The following FGFR3 variants were observed in gnomAD, a reference collection of about 807,000 sequenced individuals.
FGFR3 encodes FGFR-3.
Under a neutral mutation model 82.9 loss-of-function variants are expected in FGFR3, and 25 were observed. The observed-to-expected ratio is 0.30, with a 90% CI of 0.22 to 0.42. The LOEUF is 0.42. FGFR3 is among the 10% of genes least tolerant of loss of function. The probability of loss-of-function intolerance (pLI) is 1.00; values close to 1 mark genes in which losing one functional copy is unlikely to be tolerated. For synonymous variants in FGFR3, 620 were observed against 516.0 expected, an observed-to-expected ratio of 1.20 and a Z score of -2.73; for missense variants, 1,026 against 1,161.0, an observed-to-expected ratio of 0.88 and a Z score of 1.69.
intron 2 of FGFR3, among the ~76,000 whole-genome samples, chr4:1,797,789 T>C (rs1335987384): frequency 1.3e-5 from 2 of 152,160 alleles, no homozygotes; most frequent in East Asian, 3.9e-4. Flanking sequence ...CTTCGGATGC[T>C]TCAGGGGATG....
At chr4:1,799,870 G>A (rs2108775524) in intron 4 of FGFR3, 58 bp downstream of exon 4, 1 of 1,587,482 alleles carries the variant, frequency 6.3e-7, no homozygotes, top group Non-Finnish European at 8.6e-7. Flanking sequence ...CCACCGCCAA[G>A]CCCTGCCCTT....
In FGFR3 at chr4:1,800,318, G is replaced by A. The variant is rs368778249; in HGVS notation, c.445+506G>A. ...AGTCGGGGACGATGCCTGGCGTCCC[G>A]GCCTGGAACGGTGGCAGGTGGACTT... is the stretch of plus-strand genomic sequence containing the variant. On this transcript the variant is annotated intron_variant, in intron 4 of 17. Transcript: ENST00000440486. Among the ~76,000 whole-genome samples the A allele has an allele frequency of 3.1e-3, 474 of 152,162 alleles. 5 individuals are homozygous for A. The highest frequency in any genetic ancestry group is 0.011 in the African/African-American group (459 of 41,514).
At position 1,799,432 on chromosome 4, in the gene FGFR3, G is replaced by A. The variant is rs774553494; in HGVS notation, c.288G>A (p.Val96=). 3 of 1,610,478 alleles carry A rather than the reference G, an allele frequency of 1.9e-6. No homozygotes were observed. Among genetic ancestry groups the A allele is most frequent in the African/African-American group, 2.7e-5 (2 of 74,892 alleles). ...RVLVGPQRLQ[V]LNASHEDSGA... is the part of the protein sequence containing the mutation. Reference sequence around the variant, plus strand: ...TGGTGGGGCCCCAGCGGCTGCAGGTGCTGAATGCCTCCCACGAGGACTCCG... The same window carrying A: ...TGGTGGGGCCCCAGCGGCTGCAGGTACTGAATGCCTCCCACGAGGACTCCG... Residue 96 remains valine (V), a synonymous_variant, in exon 3 of 18, where the codon GTG becomes GTA. Transcript: ENST00000440486.
rs1235887755 is a variant in FGFR3 at position 1,801,821 on chromosome 4, A to G, written c.740-14A>G. On this transcript the variant is annotated splice_polypyrimidine_tract_variant and intron_variant, in intron 6 of 17. Coordinates refer to ENST00000440486, the MANE Select transcript of FGFR3 (RefSeq NM_000142.5). ...AGGGAGGGGGTGGCCCCTGAGCGTC[A>G]TCTGCCCCCACAGAGCGCTCCCCGC... The G allele has an allele frequency of 1.9e-6, 3 of 1,604,064 alleles. No individual in the cohort carries two copies. Among genetic ancestry groups the G allele is most frequent in the Non-Finnish European group, 2.6e-6 (3 of 1,175,044 alleles).
In FGFR3 at chr4:1,804,834, A is replaced by C; in HGVS notation, c.1277A>C (p.Glu426Ala). 1 of 1,549,828 alleles carries C rather than the reference A, an allele frequency of 6.5e-7. No homozygotes were observed. The highest frequency in any genetic ancestry group is 8.7e-7 in the Non-Finnish European group (1 of 1,146,926). ...TGCTGACCCAAGCAGGTGTCCCTGG[A>C]GTCCAACGCGTCCATGAGCTCCAAC... ...RFPLKRQVSL[E>A]SNASMSSNTP... Residue 426 changes from glutamate (E) to alanine (A), a missense_variant, in exon 10 of 18, where the codon GAG (glutamate) becomes GCG (alanine). Transcript: ENST00000440486.
chr4:1,798,670 T>A (rs900729963), intron 2 of FGFR3, among the ~76,000 whole-genome samples: 1 of 152,122 alleles, frequency 6.6e-6, no homozygotes, highest in Non-Finnish European at 1.5e-5. Flanking sequence ...TCCCTGGCTG[T>A]CCATCTGAAC....
At position 1,802,010 on chromosome 4, in the gene FGFR3, C is replaced by T. The variant is rs144675978; in HGVS notation, c.915C>T (p.Tyr305=). The change falls in exon 7 of 18, where the codon TAC becomes TAT. Residue 305 remains tyrosine (Y), a synonymous_variant. Coordinates refer to ENST00000440486, the MANE Select transcript of FGFR3 (RefSeq NM_000142.5). ...AGGTGGGCCCGGACGGCACACCCTA[C>T]GTTACCGTGCTCAAGGTGGGCCACC... is the stretch of plus-strand genomic sequence containing the variant. The part of the protein sequence containing the change: ...GSKVGPDGTP[Y]VTVLKTAGAN... 3.5e-5 allele frequency: 56 copies of T among 1,612,024 alleles called. No individual in the cohort carries two copies. The highest frequency in any genetic ancestry group is 6.7e-5 in the East Asian group (3 of 44,864).
rs372823935 is a variant in FGFR3, at chr4:1,804,525, C to T, written c.1266+5C>T. On this transcript the variant is annotated splice_donor_5th_base_variant and intron_variant, in intron 9 of 17. Transcript: ENST00000440486. ...CGCTTCCCGCTCAAGCGACAGGTAA[C>T]AGAAAGTAGATACCAGGTTCTGAGC... 6.2e-6 allele frequency: 10 copies of T among 1,611,890 alleles called. No individual in the cohort carries two copies. The highest frequency in any genetic ancestry group is 1.3e-5 in the African/African-American group (1 of 74,922).
At chr4:1,800,600 G>A (rs372312402) in intron 4 of FGFR3, among the ~76,000 whole-genome samples, 1 of 152,120 alleles carries the variant, frequency 6.6e-6, no homozygotes, top group Admixed American at 6.5e-5. Context: ...ACCGTGGGGT[G>A]CCTCTTTCCA....
chr4:1,808,189 T>C lies in FGFR3; in HGVS notation c.*927T>C, dbSNP rs1722210601. 1 of 232,766 alleles carries C rather than the reference T, an allele frequency of 4.3e-6. No individual in the cohort carries two copies. The highest frequency in any genetic ancestry group is 2.2e-5 in the African/African-American group (1 of 45,318). The allele number at this position is 232,766 out of a possible 1,614,324, so 14.4% of individuals were successfully genotyped here. ...TTAGCTGGCCACATGGCGGAGAGTT[T>C]TAATTTTTAACTTATTGACAACCGA... is the stretch of plus-strand genomic sequence containing the variant. On this transcript the variant is annotated 3_prime_UTR_variant, in exon 18 of 18. Transcript: ENST00000440486.
rs930681886 is a variant in FGFR3 at position 1,794,243 on chromosome 4, C to T, written c.109+200C>T. On this transcript the variant is annotated intron_variant, in intron 2 of 17. Coordinates refer to ENST00000440486, the MANE Select transcript of FGFR3 (RefSeq NM_000142.5). ...TGTGGTGCGCCCGGAGCCGCAGCTA[C>T]CCTCCAAGTGCGAGGCCACCACGGG... Among the ~76,000 whole-genome samples, 3 of 152,224 alleles carry T rather than the reference C, an allele frequency of 2.0e-5. No individual in the cohort carries two copies. The East Asian group carries it at 5.8e-4, about 29-fold the overall frequency.
In FGFR3 at chr4:1,807,383, CTG is replaced by C. The variant is rs750480041; in HGVS notation, c.*136_*137del. 13,700 of 965,940 alleles carry C rather than the reference CTG, an allele frequency of 0.014. 1 individual carries two copies. Among genetic ancestry groups the C allele is most frequent in the Non-Finnish European group, 0.016 (11,925 of 753,664 alleles). 59.8% of individuals were successfully genotyped at this position (965,940 alleles called of 1,614,324 possible). ...AGAGACAGCTACACAGAGCTTTGGTCTGTGTGTGTGTGTGTGCGTGTGTGTGT... is the reference window on the plus strand; with the variant it reads ...AGAGACAGCTACACAGAGCTTTGGTCTGTGTGTGTGTGTGCGTGTGTGTGT... On this transcript the variant is annotated 3_prime_UTR_variant, in exon 18 of 18. Transcript: ENST00000440486.
intron 15 of FGFR3, 60 bp downstream of exon 15, chr4:1,806,387 A>G: frequency 1.9e-6 from 3 of 1,606,426 alleles, no homozygotes; most frequent in Non-Finnish European, 2.6e-6. Context: ...CAGAGCCAGG[A>G]CCCCAGCTGC....
chr4:1,807,546 G>T lies in FGFR3; in HGVS notation c.*284G>T. ...GCACCGAGGGGCCTTTGTTCTGGGG[G>T]GACCCAGTGCAGAATGTAAGTGGGC... On this transcript the variant is annotated 3_prime_UTR_variant, in exon 18 of 18. Coordinates refer to ENST00000440486, the MANE Select transcript of FGFR3 (RefSeq NM_000142.5). 2 of 712,674 alleles carry T rather than the reference G, an allele frequency of 2.8e-6. No individual in the cohort carries two copies. Among genetic ancestry groups the T allele is most frequent in the African/African-American group, 1.7e-5 (1 of 58,220 alleles). 44.1% of individuals were successfully genotyped at this position (712,674 alleles called of 1,614,324 possible). A position where few individuals can be genotyped will look rare whatever the true frequency, so the allele number is the denominator to read the frequency against.
At chr4:1,794,781 G>C (rs1720274024) in intron 2 of FGFR3, among the ~76,000 whole-genome samples, 1 of 151,946 alleles carries the variant, frequency 6.6e-6, no homozygotes. Context: ...GCCGGGCCGA[G>C]AGCTCCGGTG....
chr4:1,803,902 A>G, intron 8 of FGFR3, 66 bp downstream of exon 8: 1 of 1,525,588 alleles, frequency 6.6e-7, no homozygotes, highest in Non-Finnish European at 9.1e-7. Context: ...GACACGCCAA[A>G]GCTGCCAGGA....
At position 1,806,702 on chromosome 4, in the gene FGFR3, C is replaced by T. The variant is rs1471321570; in HGVS notation, c.2168+19C>T. 3.7e-6 allele frequency: 6 copies of T among 1,611,448 alleles called. No individual in the cohort carries two copies. The South Asian group carries it at 5.5e-5, about 15-fold the overall frequency. ...ACGACCTGTGAGTGGCATCCCTGGC[C>T]CTCCACTGGGTCCTCAGGGGTGGGG... On this transcript the variant is annotated intron_variant, in intron 16 of 17. Transcript: ENST00000440486.
chr4:1,797,302 C>T (rs1205343813), intron 2 of FGFR3, among the ~76,000 whole-genome samples: 1 of 152,172 alleles, frequency 6.6e-6, no homozygotes, highest in Non-Finnish European at 1.5e-5. Context: ...CCACTCATGC[C>T]CCGTGTCACA....
intron 2 of FGFR3, 100 bp downstream of exon 2, chr4:1,794,143 G>C: frequency 1.7e-6 from 1 of 572,818 alleles, no homozygotes; most frequent in Admixed American, 4.6e-5. Flanking sequence ...CCGGGTGTGA[G>C]TGACGCCCCG....
Sources: allele counts gnomAD v4.1 joint callset (sites outside exome capture counted in the v4.1 genomes callset), GRCh38; gene constraint gnomAD v4.1.1; transcripts MANE v1.5; gene names NCBI Gene and HGNC (gene_info 2026-07-23, HGNC 2026-07-21).